SEMA3A: variants seen among roughly 807,000 people sequenced by gnomAD.
The protein encoded by SEMA3A is semaphorin-3A.
Under a neutral mutation model 97.9 loss-of-function variants are expected in SEMA3A, and 29 were observed. The ratio of observed to expected loss-of-function variants is 0.30; its 90% CI spans 0.22 to 0.40. The LOEUF (loss-of-function observed/expected upper bound fraction) is 0.40. Ranked by LOEUF, SEMA3A falls within the 10% of genes least tolerant of loss-of-function variation. SEMA3A has a pLI of 1.00. For synonymous variants in SEMA3A, 321 were observed against 323.7 expected (o/e 0.99, Z 0.09); for missense variants, 763 against 951.3 (o/e 0.80, Z 2.60).
chr7:84,016,925 A>C (rs906066979), intron 6 of SEMA3A, among the ~76,000 whole-genome samples: 1 of 152,222 alleles, frequency 6.6e-6, no homozygotes, highest in African/African-American at 2.4e-5. Flanking sequence ...GGAACAATGG[A>C]GGGAGAAGTT....
At position 84,299,322 on chromosome 7, in the gene SEMA3A, A is replaced by C. The variant is rs1239292825; in HGVS notation, c.-83+7885T>G. Among the ~76,000 whole-genome samples the C allele has an allele frequency of 1.6e-4, 18 of 114,702 alleles. No homozygotes were observed. In the South Asian group the frequency reaches 2.4e-3, roughly 15 times the overall value. 75.2% of individuals were successfully genotyped at this position (114,702 alleles called of 152,430 possible). On this transcript the variant is annotated intron_variant, in intron 3 of 3. Transcript: ENST00000424555. ...TATATATATCTCCATATATATATATATCTCCATATATATGTATCTCTCTCT... is the reference window on the plus strand; with the variant it reads ...TATATATATCTCCATATATATATATCTCTCCATATATATGTATCTCTCTCT...
At chr7:84,213,080 C>T (rs1008040403) in intron 3 of SEMA3A, among the ~76,000 whole-genome samples, 3 of 152,110 alleles carry the variant, frequency 2.0e-5, no homozygotes, top group Admixed American at 6.6e-5. Context: ...AGGGTTCAAG[C>T]GATTCTCCTG....
At chr7:84,160,203 T>C (rs1796981190) in intron 1 of SEMA3A, among the ~76,000 whole-genome samples, 1 of 150,594 alleles carries the variant, frequency 6.6e-6, no homozygotes, top group African/African-American at 2.4e-5. Context: ...TTTAGTGAGA[T>C]TAAAAAAAAC....
chr7:84,454,435 T>TGA (rs1385978008), intron 1 of SEMA3A, among the ~76,000 whole-genome samples: 1 of 152,148 alleles, frequency 6.6e-6, no homozygotes, highest in African/African-American at 2.4e-5. Flanking sequence ...ATAGAGGAGC[T>TGA]GAGTAACCAG....
At chr7:84,197,130 T>C (rs1053059674), upstream of SEMA3A, among the ~76,000 whole-genome samples, 3 of 152,126 alleles carry the variant, frequency 2.0e-5, no homozygotes, top group Admixed American at 6.6e-5. Flanking sequence ...TTTCATAAAA[T>C]GAATAATTTA....
intron 1 of SEMA3A, among the ~76,000 whole-genome samples, chr7:84,159,130 G>A (rs912120489): frequency 3.3e-5 from 5 of 151,626 alleles, no homozygotes; most frequent in Non-Finnish European, 2.9e-5. Flanking sequence ...TTTAAAGAAA[G>A]GGACTGCATA....
At chr7:84,040,756 T>A (rs895616881) in intron 6 of SEMA3A, among the ~76,000 whole-genome samples, 11 of 152,052 alleles carry the variant, frequency 7.2e-5, no homozygotes, top group Middle Eastern at 3.4e-3. Context: ...GAAGAGGAAA[T>A]TGGTATAGAC....
At chr7:84,239,378 T>C (rs10265795) in intron 3 of SEMA3A, among the ~76,000 whole-genome samples, 1 of 151,974 alleles carries the variant, frequency 6.6e-6, no homozygotes, top group African/African-American at 2.4e-5. Context: ...TTGTACTCAC[T>C]AAATACTCTG....
chr7:84,090,486 GGAAA>G (rs1365332036), intron 4 of SEMA3A, among the ~76,000 whole-genome samples: 3 of 151,982 alleles, frequency 2.0e-5, no homozygotes, highest in African/African-American at 7.3e-5. Flanking sequence ...TCTGCAAGGA[GGAAA>G]GAGTCAACCT....
intron 5 of SEMA3A, among the ~76,000 whole-genome samples, chr7:84,055,525 C>T (rs1287574806): frequency 2.6e-5 from 4 of 152,068 alleles, no homozygotes; most frequent in Non-Finnish European, 4.4e-5. Flanking sequence ...TGACCCCTTG[C>T]GCTTCCCGAG....
intron 4 of SEMA3A, among the ~76,000 whole-genome samples, chr7:84,064,608 G>A (rs1219489841): frequency 6.6e-6 from 1 of 151,562 alleles, no homozygotes; most frequent in South Asian, 2.1e-4. Flanking sequence ...AAAAAAGGCA[G>A]GGGTTGCCAT....
intron 3 of SEMA3A, among the ~76,000 whole-genome samples, chr7:84,234,372 ACATTGAGAC>A (rs1025065226): frequency 5.9e-5 from 9 of 152,128 alleles, no homozygotes; most frequent in Non-Finnish European, 8.8e-5. Flanking sequence ...CCTCACTGCC[ACATTGAGAC>A]CATTGCCCTG....
chr7:83,994,126 C>T (rs961713575), intron 12 of SEMA3A, among the ~76,000 whole-genome samples: 2 of 149,602 alleles, frequency 1.3e-5, no homozygotes, highest in Non-Finnish European at 3.0e-5. Context: ...GAGGCTTCTG[C>T]ATTCTTCATG....
Position 84,434,290 on chromosome 7 carries a change from ACG to A in SEMA3A, c.-246+58168_-246+58169del, listed in dbSNP as rs199680970. Among the ~76,000 whole-genome samples, 445 of 145,650 alleles carry A rather than the reference ACG, an allele frequency of 3.1e-3. 1 individual carries two copies. Among genetic ancestry groups the A allele is most frequent in the African/African-American group, 0.011 (427 of 39,368 alleles). ...AATGGCTAACTTCCTGGAAACACACACGAACTCCTAAGAGTAAATCAGGAAGA... is the reference window on the plus strand; with the variant it reads ...AATGGCTAACTTCCTGGAAACACACAAACTCCTAAGAGTAAATCAGGAAGA... On this transcript the variant is annotated intron_variant, in intron 1 of 3. Transcript: ENST00000424555.
chr7:84,059,749 G>A (rs1270245362), intron 5 of SEMA3A, among the ~76,000 whole-genome samples: 1 of 151,270 alleles, frequency 6.6e-6, no homozygotes. Context: ...TAGGTTGTTG[G>A]TATGCTCAAA....
chr7:84,056,019 A>T (rs563758400), intron 5 of SEMA3A, among the ~76,000 whole-genome samples: 8 of 152,298 alleles, frequency 5.3e-5, no homozygotes, highest in African/African-American at 1.7e-4. Context: ...AAGATCTTTA[A>T]GGCTCTCCAA....
chr7:83,958,874 T>A lies in SEMA3A; in HGVS notation c.*2497A>T, dbSNP rs148857083. 3.9e-5 allele frequency: 6 copies of A among 152,430 alleles called. No individual in the cohort carries two copies. The East Asian group carries it at 1.2e-3, about 29-fold the overall frequency. The allele number at this position is 152,430 out of a possible 1,614,324, so 9.4% of individuals were successfully genotyped here. On this transcript the variant is annotated 3_prime_UTR_variant, in exon 17 of 17. Coordinates refer to ENST00000265362, the MANE Select transcript of SEMA3A (RefSeq NM_006080.3). Reference sequence around the variant, plus strand: ...TGTAATTTTCGTAAGGTCACATGAGTCTCTCAAACAGTTTCATCTCTGATG... The same window carrying A: ...TGTAATTTTCGTAAGGTCACATGAGACTCTCAAACAGTTTCATCTCTGATG...
chr7:84,309,843 A>G (rs1340886229), intron 2 of SEMA3A, among the ~76,000 whole-genome samples: 1 of 152,212 alleles, frequency 6.6e-6, no homozygotes, highest in Non-Finnish European at 1.5e-5. Context: ...TCATGCATTG[A>G]CTATTCCAGA....
chr7:83,977,339 A>C, intron 14 of SEMA3A, 143 bp from the exon 15 acceptor site: 1 of 396,814 alleles, frequency 2.5e-6, no homozygotes. Context: ...TCTACATCCA[A>C]CTAAAAGATT....
Sources: gnomAD v4.1 joint callset for allele counts (sites outside exome capture counted in the v4.1 genomes callset) on GRCh38, gnomAD v4.1.1 for gene constraint, MANE v1.5 for transcripts, NCBI Gene and HGNC (gene_info 2026-07-23, HGNC 2026-07-21) for gene names.